TRHDE: variants seen among roughly 807,000 people sequenced by gnomAD.
The protein encoded by TRHDE is thyrotropin releasing hormone degrading enzyme.
TRHDE carries 72 observed loss-of-function variants against 125.7 expected under a neutral mutation model. The ratio of observed to expected loss-of-function variants is 0.57; its 90% CI spans 0.47 to 0.70. The LOEUF (loss-of-function observed/expected upper bound fraction) is 0.70. Among genes scored for constraint, TRHDE ranks in the 30% least tolerant of loss-of-function variants. TRHDE has a pLI of 0.00. For missense variants in TRHDE, 1,110 were observed against 1,327.1 expected (o/e 0.84, Z 2.54); for synonymous variants, 509 against 509.1 (o/e 1.00, Z 0.00).
intron 12 of TRHDE, among the ~76,000 whole-genome samples, chr12:72,598,116 C>T (rs1451538351): frequency 6.6e-6 from 1 of 151,894 alleles, no homozygotes; most frequent in East Asian, 1.9e-4. Context: ...AAAGAAAAAA[C>T]TCAAATGGTT....
intron 4 of TRHDE, among the ~76,000 whole-genome samples, chr12:72,471,127 C>A (rs919812576): frequency 1.3e-5 from 2 of 152,072 alleles, no homozygotes; most frequent in African/African-American, 4.8e-5. Context: ...ATCCACCCCC[C>A]TCGACCTCCC....
intron 6 of TRHDE, among the ~76,000 whole-genome samples, chr12:72,519,164 C>A (rs1879044533): frequency 6.6e-6 from 1 of 152,060 alleles, no homozygotes; most frequent in East Asian, 1.9e-4. Context: ...GTGGCGTTCT[C>A]TGTATTTCCT....
Position 72,549,920 on chromosome 12 carries a change from C to A in TRHDE, c.1788+7564C>A, listed in dbSNP as rs1468492056. On this transcript the variant is annotated intron_variant, in intron 7 of 18. Coordinates refer to ENST00000261180, the MANE Select transcript of TRHDE (RefSeq NM_013381.3). ...TCTAATTTAAAGGTTGTTAACCGAC[C>A]AATGTGGCTATATAATATTAACTAA... Among the ~76,000 whole-genome samples the A allele has an allele frequency of 5.3e-5, 8 of 151,580 alleles. No homozygotes were observed. The East Asian group carries it at 1.6e-3, about 29-fold the overall frequency.
intron 2 of TRHDE, among the ~76,000 whole-genome samples, chr12:72,317,665 T>C (rs1868869128): frequency 6.6e-6 from 1 of 152,062 alleles, no homozygotes; most frequent in East Asian, 1.9e-4. Context: ...AGTTTAAATT[T>C]TGGAGGGACA....
At chr12:72,285,387 A>G (rs555965427) in intron 1 of TRHDE, among the ~76,000 whole-genome samples, 15 of 152,312 alleles carry the variant, frequency 9.8e-5, no homozygotes, top group Admixed American at 5.2e-4. Context: ...TCAGAACTCA[A>G]TAGTATTCTA....
chr12:72,094,670 AT>A (rs1874870631), intron 1 of TRHDE, among the ~76,000 whole-genome samples: 1 of 152,250 alleles, frequency 6.6e-6, no homozygotes, highest in African/African-American at 2.4e-5. Context: ...CATGCAAAAC[AT>A]TAGTAGGCAT....
chr12:72,238,309 T>TATATATACACATA (rs1878389477), intron 2 of TRHDE, among the ~76,000 whole-genome samples: 2 of 33,434 alleles, frequency 6.0e-5, no homozygotes, highest in African/African-American at 2.1e-4. Flanking sequence ...TATATATATA[T>TATATATACACATA]ATATATATAT....
At chr12:72,651,261 A>G (rs1040880739) in intron 15 of TRHDE, among the ~76,000 whole-genome samples, 7 of 152,110 alleles carry the variant, frequency 4.6e-5, no homozygotes, top group Admixed American at 2.6e-4. Flanking sequence ...ATAGTGCCAC[A>G]TATTCTGATT....
At chr12:72,526,930 T>C (rs1868347735) in intron 6 of TRHDE, among the ~76,000 whole-genome samples, 1 of 151,976 alleles carries the variant, frequency 6.6e-6, no homozygotes. Context: ...AAAAGAGGAG[T>C]CAATGTAAAT....
chr12:72,129,769 C>A (rs1875817316), intron 2 of TRHDE, among the ~76,000 whole-genome samples: 1 of 151,956 alleles, frequency 6.6e-6, no homozygotes, highest in Admixed American at 6.6e-5. Context: ...CATAGACAAC[C>A]CAAGAGAGGT....
intron 3 of TRHDE, among the ~76,000 whole-genome samples, chr12:72,451,898 G>A (rs1288529398): frequency 6.6e-6 from 1 of 151,936 alleles, no homozygotes; most frequent in South Asian, 2.1e-4. Context: ...GTGCAATCTT[G>A]GCTTACTGAA....
chr12:72,432,995 A>T (rs1315644617), intron 3 of TRHDE, among the ~76,000 whole-genome samples: 2 of 152,004 alleles, frequency 1.3e-5, no homozygotes, highest in African/African-American at 4.8e-5. Context: ...CTACCTGTGT[A>T]TTTTTTTATT....
intron 2 of TRHDE, among the ~76,000 whole-genome samples, chr12:72,325,101 A>G (rs1299591849): frequency 6.6e-6 from 1 of 152,174 alleles, no homozygotes. Flanking sequence ...AAAGAAAAGC[A>G]GAATGAAACT....
intron 2 of TRHDE, among the ~76,000 whole-genome samples, chr12:72,290,164 G>A (rs1880033779): frequency 6.6e-6 from 1 of 152,168 alleles, no homozygotes; most frequent in African/African-American, 2.4e-5. Flanking sequence ...ATTCAGTATG[G>A]CCCTGAATGA....
intron 7 of TRHDE, among the ~76,000 whole-genome samples, chr12:72,556,157 GTTC>G (rs2073066259): frequency 6.6e-6 from 1 of 152,262 alleles, no homozygotes. Context: ...AGAATTTAGT[GTTC>G]TTTAGTTTTT....
At chr12:72,402,120 G>A (rs1317463442) in intron 3 of TRHDE, among the ~76,000 whole-genome samples, 1 of 152,074 alleles carries the variant, frequency 6.6e-6, no homozygotes, top group Non-Finnish European at 1.5e-5. Flanking sequence ...CCAGATCAAG[G>A]TGTTGGTAGG....
At chr12:72,218,414 C>T (rs1358370209) in intron 2 of TRHDE, among the ~76,000 whole-genome samples, 1 of 152,050 alleles carries the variant, frequency 6.6e-6, no homozygotes, top group Admixed American at 6.6e-5. Flanking sequence ...CCATATATTC[C>T]TACAATTTCT....
At chr12:72,473,293 A>G in intron 5 of TRHDE, 113 bp downstream of exon 5, 3 of 732,060 alleles carry the variant, frequency 4.1e-6, no homozygotes, top group Non-Finnish European at 6.8e-6. Flanking sequence ...ATGAAAATGT[A>G]TCAATAAAGT....
intron 2 of TRHDE, chr12:72,309,647 A>G (rs961090273): frequency 2.6e-5 from 4 of 151,636 alleles, no homozygotes; most frequent in Admixed American, 2.0e-4. Flanking sequence ...TTATGTGTTG[A>G]GAGATGCAGA....
Sources: gnomAD v4.1 joint callset for allele counts (sites outside exome capture counted in the v4.1 genomes callset) on GRCh38, gnomAD v4.1.1 for gene constraint, MANE v1.5 for transcripts, NCBI Gene and HGNC (gene_info 2026-07-23, HGNC 2026-07-21) for gene names.